The following ROCK2 variants were observed in gnomAD, a reference collection of about 807,000 sequenced individuals.
The protein encoded by ROCK2 is Rho associated coiled-coil containing protein kinase 2, also known as rho-associated protein kinase 2.
In ROCK2, 61 loss-of-function variants were observed where a neutral mutation model predicts 195.1. That is an observed-to-expected ratio of 0.31 (90% CI 0.25 to 0.39). The LOEUF is 0.39. Ranked by LOEUF, ROCK2 falls within the 10% of genes least tolerant of loss-of-function variation. The pLI is 1.00. For synonymous variants in ROCK2, 504 were observed against 545.5 expected, an observed-to-expected ratio of 0.92 and a Z score of 1.06; for missense variants, 1,109 against 1,637.4, an observed-to-expected ratio of 0.68 and a Z score of 5.57.
intron 3 of ROCK2, among the ~76,000 whole-genome samples, chr2:11,252,819 G>A (rs116069798): frequency 0.043 from 6,513 of 152,148 alleles, 459 homozygotes; most frequent in African/African-American, 0.15. Flanking sequence ...GGGGCTAGAG[G>A]AGGGATAGCA....
chr2:11,335,309 G>C (rs1668896682), intron 1 of ROCK2, among the ~76,000 whole-genome samples: 1 of 152,042 alleles, frequency 6.6e-6, no homozygotes, highest in Non-Finnish European at 1.5e-5. Flanking sequence ...GGGGGCAGGA[G>C]TACAGATGAG....
upstream of ROCK2, among the ~76,000 whole-genome samples, chr2:11,345,368 A>AT (rs1669273472): frequency 6.6e-6 from 1 of 152,124 alleles, no homozygotes; most frequent in African/African-American, 2.4e-5. Flanking sequence ...AGGGGTGGTT[A>AT]TCGGGACCGT....
At position 11,180,000 on chromosome 2, in the gene ROCK2, C is replaced by CG. The variant is rs1243421308; in HGVS notation, c.*3436_*3437insC. On this transcript the variant is annotated 3_prime_UTR_variant, in exon 33 of 33. Coordinates refer to ENST00000315872, the MANE Select transcript of ROCK2 (RefSeq NM_004850.5). ...ATGGGAGTCAGGGAGAGGCCCCCCC[C>CG]CAAGCATGATATCCAGCGCTGTCAC... 1 of 152,144 alleles carries CG rather than the reference C, an allele frequency of 6.6e-6. No homozygotes were observed. The highest frequency in any genetic ancestry group is 2.4e-5 in the African/African-American group (1 of 41,482). The allele number at this position is 152,144 out of a possible 1,614,324, so 9.4% of individuals were successfully genotyped here.
intron 1 of ROCK2, among the ~76,000 whole-genome samples, chr2:11,295,498 T>C (rs569219784): frequency 1.3e-5 from 2 of 152,324 alleles, no homozygotes; most frequent in Non-Finnish European, 2.9e-5. Flanking sequence ...GCTGGTTTTA[T>C]GTTTTATTAA....
At chr2:11,296,049 A>AGAGAGAGAGAGAGAGAGC (rs1667527006) in intron 1 of ROCK2, among the ~76,000 whole-genome samples, 1 of 148,528 alleles carries the variant, frequency 6.7e-6, no homozygotes, top group Non-Finnish European at 1.5e-5. Context: ...AGAGAGAGAG[A>AGAGAGAGAGAGAGAGAGC]GAAAACAAAG....
intron 1 of ROCK2, among the ~76,000 whole-genome samples, chr2:11,331,339 G>A (rs1023382784): frequency 1.3e-5 from 2 of 152,134 alleles, no homozygotes; most frequent in Admixed American, 6.5e-5. Flanking sequence ...GTATCTGTAA[G>A]GCAAATTAAA....
chr2:11,251,300 T>C (rs985233938), intron 3 of ROCK2, among the ~76,000 whole-genome samples: 14 of 152,270 alleles, frequency 9.2e-5, no homozygotes, highest in African/African-American at 3.4e-4. Context: ...GTATAATGTC[T>C]GGCACATAAT....
intron 3 of ROCK2, among the ~76,000 whole-genome samples, chr2:11,255,265 C>T (rs890974632): frequency 1.4e-5 from 2 of 146,538 alleles, no homozygotes; most frequent in Non-Finnish European, 3.0e-5. Context: ...TCTTTCCACA[C>T]ATCTACATTT....
intron 1 of ROCK2, among the ~76,000 whole-genome samples, chr2:11,314,226 C>T (rs1317444994): frequency 1.3e-5 from 2 of 151,872 alleles, no homozygotes; most frequent in African/African-American, 4.8e-5. Flanking sequence ...TAATGTTCTC[C>T]TCATAGTCTA....
In ROCK2 at chr2:11,218,462, C is replaced by T; in HGVS notation, c.1325G>A (p.Ser442Asn). 6.4e-7 allele frequency: 1 copy of T among 1,554,958 alleles called. No individual in the cohort carries two copies. Among genetic ancestry groups the T allele is most frequent in the Non-Finnish European group, 8.7e-7 (1 of 1,146,126 alleles). ...CTGACAACATCAACATACCTCTTGA[C>T]TTTCCTATTTAAAACAAAACAGAAA... is the stretch of plus-strand genomic sequence containing the variant. ...DSIQSRKNEE[S>N]QEIQKKLYTL... Residue 442 changes from serine to asparagine, a missense_variant, in exon 11 of 33, where the codon AGT becomes AAT. Physicochemically the swap from Ser to Asn is conservative, Grantham distance 46. Coordinates refer to ENST00000315872, the MANE Select transcript of ROCK2 (RefSeq NM_004850.5).
intron 1 of ROCK2, among the ~76,000 whole-genome samples, chr2:11,325,622 G>A (rs945741629): frequency 2.6e-5 from 4 of 152,142 alleles, no homozygotes; most frequent in Non-Finnish European, 4.4e-5. Context: ...GCAGAAGTTA[G>A]ATCACAAACA....
intron 1 of ROCK2, among the ~76,000 whole-genome samples, chr2:11,317,598 ATATATATATATATATTTT>A (rs1668249763): frequency 1.9e-4 from 3 of 15,766 alleles, no homozygotes; most frequent in Admixed American, 7.0e-4. Flanking sequence ...ATATATATAT[ATATATATATATATATTTT>A]TTTTTTTTTT....
chr2:11,328,658 G>A (rs1342832021), intron 1 of ROCK2, among the ~76,000 whole-genome samples: 1 of 151,976 alleles, frequency 6.6e-6, no homozygotes, highest in Non-Finnish European at 1.5e-5. Flanking sequence ...CAAAGACTTG[G>A]AACCAACCCA....
intron 3 of ROCK2, among the ~76,000 whole-genome samples, chr2:11,268,857 T>C (rs10192994): frequency 0.78 from 119,227 of 152,046 alleles, 48,634 homozygotes; most frequent in East Asian, 0.94. Flanking sequence ...TTCAAATATT[T>C]TGTCTCTTTC....
Position 11,201,414 on chromosome 2 carries a change from C to T in ROCK2, c.2620-1G>A. On this transcript the variant is annotated splice_acceptor_variant, in intron 21 of 32. Transcript: ENST00000315872. LOFTEE classifies it high-confidence loss of function. This position sits in a 1 kb window ranked among gnomAD's most constrained non-coding sequence, Gnocchi z 4.6. Reference sequence around the variant, plus strand: ...CCCTAACTTGTGTTTTATAAAGGGTCTAAATAGCAAAATACAACAGAAATG... The same window carrying T: ...CCCTAACTTGTGTTTTATAAAGGGTTTAAATAGCAAAATACAACAGAAATG... 6.7e-7 allele frequency: 1 copy of T among 1,503,704 alleles called. No homozygotes were observed. The highest frequency in any genetic ancestry group is 9.3e-7 in the Non-Finnish European group (1 of 1,080,438). 93.1% of individuals were successfully genotyped at this position (1,503,704 alleles called of 1,614,324 possible). A position where few individuals can be genotyped will look rare whatever the true frequency, so the allele number is the denominator to read the frequency against.
intron 23 of ROCK2, among the ~76,000 whole-genome samples, chr2:11,200,262 T>C (rs1663804641): frequency 6.6e-6 from 1 of 152,234 alleles, no homozygotes; most frequent in African/African-American, 2.4e-5. Context: ...CTGTCTTCTG[T>C]CATATGCAAC....
At chr2:11,308,785 C>T in intron 1 of ROCK2, 2 of 1,612,242 alleles carry the variant, frequency 1.2e-6, no homozygotes, top group African/African-American at 1.3e-5. Flanking sequence ...TTACCAGCAC[C>T]AAGTGTTTTG....
chr2:11,316,611 G>C (rs1326513645), intron 1 of ROCK2, among the ~76,000 whole-genome samples: 1 of 152,158 alleles, frequency 6.6e-6, no homozygotes, highest in Non-Finnish European at 1.5e-5. Flanking sequence ...CTTCATCTCA[G>C]TTAAGAGGTA....
chr2:11,250,340 C>T (rs1204513616), intron 3 of ROCK2, among the ~76,000 whole-genome samples: 1 of 152,032 alleles, frequency 6.6e-6, no homozygotes, highest in Non-Finnish European at 1.5e-5. Context: ...AAAATACTAC[C>T]AATGATGAGG....
Sources: allele counts gnomAD v4.1 joint callset (sites outside exome capture counted in the v4.1 genomes callset), GRCh38; gene constraint gnomAD v4.1.1; non-coding constraint Gnocchi (gnomAD v3.1); transcripts MANE v1.5; gene names NCBI Gene and HGNC (gene_info 2026-07-23, HGNC 2026-07-21).